CNKSR2: variants seen among roughly 807,000 people sequenced by gnomAD.
CNKSR2 encodes the protein connector enhancer of kinase suppressor of Ras 2, also known as CNK homolog protein 2.
In CNKSR2, 14 loss-of-function variants were observed where a neutral mutation model predicts 84.4. The ratio of observed to expected loss-of-function variants is 0.17; its 90% CI spans 0.11 to 0.26. The LOEUF (loss-of-function observed/expected upper bound fraction) is 0.26, where lower values mean the gene tolerates loss of function less well. CNKSR2 is among the 10% of genes least tolerant of loss of function. The pLI is 1.00. For missense variants in CNKSR2, 485 were observed against 771.2 expected (o/e 0.63, Z 4.40); for synonymous variants, 275 against 277.9 (o/e 0.99, Z 0.10).
chrX:21,516,532 G>A lies in CNKSR2; in HGVS notation c.858G>A (p.Pro286=). 2 of 1,209,243 alleles carry A rather than the reference G, an allele frequency of 1.7e-6. No homozygotes were observed. Among genetic ancestry groups the A allele is most frequent in the East Asian group, 3.0e-5 (1 of 33,732 alleles). Residue 286 remains proline, a synonymous_variant, in exon 9 of 22, where the codon CCG becomes CCA. Transcript: ENST00000379510. The stretch of plus-strand genomic sequence containing the variant: ...TGGTGAATGCACTACGAGAGGACCC[G>A]AGTGGTGTTATCTTAACTTTGAAAA... ...KNLVNALRED[P]SGVILTLKKR...
intron 10 of CNKSR2, among the ~76,000 whole-genome samples, chrX:21,528,592 T>C (rs183647811): frequency 1.4e-4 from 15 of 110,769 alleles, no homozygotes; most frequent in Admixed American, 1.1e-3. Context: ...AGGCTATATA[T>C]TGAAGCCAAT....
intron 20 of CNKSR2, chrX:21,645,724 T>A: frequency 9.1e-6 from 1 of 110,243 alleles, no homozygotes; most frequent in Non-Finnish European, 1.9e-5. Context: ...AAGCAAGGGT[T>A]GAAAAAAGAG....
At chrX:21,494,818 G>C (rs376272073) in intron 6 of CNKSR2, 4 of 111,684 alleles carry the variant, frequency 3.6e-5, no homozygotes, top group African/African-American at 1.3e-4. Flanking sequence ...CTCCCTCCGG[G>C]GGAAATTTCC....
chrX:21,490,321 A>T, intron 5 of CNKSR2, 138 bp from the exon 6 acceptor site: 1 of 550,264 alleles, frequency 1.8e-6, no homozygotes, highest in Non-Finnish European at 2.8e-6. Context: ...ATTTCTTTGT[A>T]CAGATTTTAC....
At chrX:21,421,868 T>C (rs1448087556) in intron 1 of CNKSR2, 1 of 109,779 alleles carries the variant, frequency 9.1e-6, no homozygotes, top group African/African-American at 3.3e-5. Flanking sequence ...AGGGAAGTAG[T>C]AGCTGTGAGG....
intron 11 of CNKSR2, among the ~76,000 whole-genome samples, chrX:21,535,231 G>A (rs2091917462): frequency 9.0e-6 from 1 of 111,096 alleles, no homozygotes; most frequent in Admixed American, 9.6e-5. Context: ...GTTTGATTGG[G>A]CTGTGTGTCT....
At chrX:21,555,718 G>T (rs996018291) in intron 11 of CNKSR2, among the ~76,000 whole-genome samples, 1 of 111,393 alleles carries the variant, frequency 9.0e-6, no homozygotes, top group Non-Finnish European at 1.9e-5. Flanking sequence ...CTTTTTCTGA[G>T]ACTCTAGAGA....
intron 17 of CNKSR2, among the ~76,000 whole-genome samples, chrX:21,598,008 C>CATATATAT (rs201782311): frequency 4.9e-5 from 5 of 102,222 alleles, no homozygotes; most frequent in African/African-American, 1.8e-4. Context: ...AAATCATACA[C>CATATATAT]ATATATATAT....
chrX:21,460,730 ACT>A lies in CNKSR2; in HGVS notation c.520-10031_520-10030del, dbSNP rs2091050756. On this transcript the variant is annotated intron_variant, in intron 4 of 21. Coordinates refer to ENST00000379510, the MANE Select transcript of CNKSR2 (RefSeq NM_014927.5). ...CCCAGCCTCTGGTAACCATCTTTCT[ACT>A]CTCTATCTTCATAGGCTCAATTATT... 2.7e-5 allele frequency among the ~76,000 whole-genome samples: 3 copies of A among 110,082 alleles called. No individual in the cohort carries two copies. The South Asian group carries it at 1.2e-3, about 43-fold the overall frequency.
chrX:21,513,151 T>C (rs1265419728), intron 8 of CNKSR2, among the ~76,000 whole-genome samples: 1 of 111,920 alleles, frequency 8.9e-6, no homozygotes, highest in Admixed American at 9.5e-5. Context: ...GAGTTATTGA[T>C]AGGAAGCAGG....
At chrX:21,559,928 A>G (rs906518242) in intron 11 of CNKSR2, among the ~76,000 whole-genome samples, 5 of 111,900 alleles carry the variant, frequency 4.5e-5, no homozygotes, top group African/African-American at 1.6e-4. Flanking sequence ...AAACTGTATC[A>G]GTGTTCACAA....
At chrX:21,614,725 T>G (rs932192691) in intron 20 of CNKSR2, among the ~76,000 whole-genome samples, 1 of 111,765 alleles carries the variant, frequency 8.9e-6, no homozygotes, top group African/African-American at 3.3e-5. Flanking sequence ...AGATTTTTAA[T>G]TACACCTCCA....
intron 1 of CNKSR2, among the ~76,000 whole-genome samples, chrX:21,391,902 G>A (rs2080756212): frequency 1.8e-5 from 2 of 111,595 alleles, no homozygotes; most frequent in African/African-American, 6.5e-5. Flanking sequence ...GAAGCTACCA[G>A]GCCACTTCTT....
At chrX:21,464,330 AG>A (rs2091099646) in intron 4 of CNKSR2, among the ~76,000 whole-genome samples, 1 of 111,848 alleles carries the variant, frequency 8.9e-6, no homozygotes, top group Non-Finnish European at 1.9e-5. Flanking sequence ...GCTGCTGCCC[AG>A]GTTTGGGGGA....
chrX:21,548,735 G>A (rs1412457313), intron 11 of CNKSR2, among the ~76,000 whole-genome samples: 1 of 111,768 alleles, frequency 8.9e-6, no homozygotes. Flanking sequence ...GATCAAGTCG[G>A]CTTCATCCCT....
At chrX:21,590,783 C>A in intron 14 of CNKSR2, 163 bp downstream of exon 14, 1 of 506,477 alleles carries the variant, frequency 2.0e-6, no homozygotes, top group Non-Finnish European at 3.2e-6. Context: ...AATTATAATA[C>A]AAGGTACCTT....
At chrX:21,429,965 G>A (rs2090614318) in intron 2 of CNKSR2, among the ~76,000 whole-genome samples, 1 of 111,766 alleles carries the variant, frequency 8.9e-6, no homozygotes, top group African/African-American at 3.2e-5. Context: ...AATCTCTTTT[G>A]TTAAAATAGT....
chrX:21,466,709 C>T (rs777596642), intron 4 of CNKSR2, among the ~76,000 whole-genome samples: 4 of 110,966 alleles, frequency 3.6e-5, no homozygotes, highest in African/African-American at 9.9e-5. Context: ...CTCAGCCTTC[C>T]GAGTAGCTGG....
At chrX:21,388,422 T>G (rs2090002333) in intron 1 of CNKSR2, among the ~76,000 whole-genome samples, 1 of 111,500 alleles carries the variant, frequency 9.0e-6, no homozygotes, top group Non-Finnish European at 1.9e-5. Flanking sequence ...GAAACAGCTT[T>G]TTGGAGAATG....
Sources: allele counts gnomAD v4.1 joint callset (sites outside exome capture counted in the v4.1 genomes callset), GRCh38; gene constraint gnomAD v4.1.1; transcripts MANE v1.5; gene names NCBI Gene and HGNC (gene_info 2026-07-23, HGNC 2026-07-21).